The following SSH1 variants were observed in gnomAD, a reference collection of about 807,000 sequenced individuals.
SSH1 encodes slingshot protein phosphatase 1, also known as protein phosphatase Slingshot homolog 1.
In SSH1, 43 loss-of-function variants were observed where a neutral mutation model predicts 79.7. The ratio of observed to expected loss-of-function variants is 0.54; its 90% CI spans 0.42 to 0.70. The LOEUF is 0.70. Ranked by LOEUF, SSH1 falls within the 30% of genes least tolerant of loss-of-function variation. The pLI, the probability that SSH1 is intolerant of heterozygous loss-of-function variation, is 0.00. For missense variants in SSH1, 1,206 were observed against 1,358.8 expected, an observed-to-expected ratio of 0.89 and a Z score of 1.77; for synonymous variants, 599 against 538.3, an observed-to-expected ratio of 1.11 and a Z score of -1.56.
At position 108,799,025 on chromosome 12, in the gene SSH1, C is replaced by CA. The variant is rs771712149; in HGVS notation, c.1323dup (p.Glu442Ter). 2.5e-6 allele frequency: 4 copies of CA among 1,613,758 alleles called. No homozygotes were observed. The highest frequency in any genetic ancestry group is 3.4e-6 in the Non-Finnish European group (4 of 1,180,048). On this transcript the variant is annotated frameshift_variant, in exon 13 of 15. Transcript: ENST00000326495. LOFTEE classifies it high-confidence loss of function. ...CTTGCATCCAAGATGCCTTCATACT[C>CA]AGACAGCTGCCTCATAAAGCCCGCG...
At chr12:108,794,030 G>A (rs2036632660) in intron 13 of SSH1, among the ~76,000 whole-genome samples, 1 of 152,226 alleles carries the variant, frequency 6.6e-6, no homozygotes, top group African/African-American at 2.4e-5. Flanking sequence ...TCTGGGCCTT[G>A]CCTGGGGACC....
At chr12:108,793,581 T>C (rs775735811) in intron 13 of SSH1, among the ~76,000 whole-genome samples, 3 of 151,936 alleles carry the variant, frequency 2.0e-5, no homozygotes, top group Non-Finnish European at 4.4e-5. Context: ...TTTTTTGTAG[T>C]GACAGGGTCT....
At position 108,846,445 on chromosome 12, in the gene SSH1, G is replaced by A. The variant is rs544142028; in HGVS notation, c.110+6193C>T. Among the ~76,000 whole-genome samples, 5 of 152,330 alleles carry A rather than the reference G, an allele frequency of 3.3e-5. No individual in the cohort carries two copies. The East Asian group carries it at 5.8e-4, about 18-fold the overall frequency. On this transcript the variant is annotated intron_variant, in intron 2 of 14. Coordinates refer to ENST00000326495, the MANE Select transcript of SSH1 (RefSeq NM_018984.4). ...GGAGCCAGGAGCTGCTGCCAGCAGGGCCATCTGCTCACCAATTCCCACAGT... is the reference window on the plus strand; with the variant it reads ...GGAGCCAGGAGCTGCTGCCAGCAGGACCATCTGCTCACCAATTCCCACAGT...
intron 7 of SSH1, among the ~76,000 whole-genome samples, chr12:108,808,602 A>G (rs998823505): frequency 1.3e-5 from 2 of 152,146 alleles, no homozygotes; most frequent in African/African-American, 4.8e-5. Context: ...CTGGAAGAAA[A>G]AGTCTTTAAT....
chr12:108,848,645 T>G (rs1347098882), intron 2 of SSH1, among the ~76,000 whole-genome samples: 3 of 152,210 alleles, frequency 2.0e-5, no homozygotes, highest in Non-Finnish European at 4.4e-5. Context: ...AGGACACAAC[T>G]TTTCTTGTGT....
chr12:108,800,172 G>C (rs181040080), intron 12 of SSH1, among the ~76,000 whole-genome samples: 31 of 152,166 alleles, frequency 2.0e-4, no homozygotes, highest in Admixed American at 5.2e-4. Context: ...CATCTCAAAG[G>C]GTTCTTTCTG....
intron 12 of SSH1, 141 bp downstream of exon 12, chr12:108,800,639 C>T (rs2036952640): frequency 1.0e-6 from 1 of 995,790 alleles, no homozygotes; most frequent in Non-Finnish European, 1.5e-6. Flanking sequence ...TCCACTCCCA[C>T]CAGCCAACTC....
At chr12:108,816,452 G>C (rs1456723184) in intron 5 of SSH1, among the ~76,000 whole-genome samples, 1 of 152,232 alleles carries the variant, frequency 6.6e-6, no homozygotes, top group Non-Finnish European at 1.5e-5. Context: ...TGTCAGGGGA[G>C]TGACTCCACC....
chr12:108,831,969 C>A (rs2038484589), intron 2 of SSH1, among the ~76,000 whole-genome samples: 1 of 152,156 alleles, frequency 6.6e-6, no homozygotes, highest in Non-Finnish European at 1.5e-5. Flanking sequence ...ATTCTCAGCA[C>A]CTGAATGCCT....
intron 11 of SSH1, 114 bp downstream of exon 11, chr12:108,802,208 A>G: frequency 1.1e-6 from 1 of 889,978 alleles, no homozygotes. Flanking sequence ...CACTTCAGAG[A>G]CCAGGGTGCA....
At chr12:108,808,475 T>TGGTTATGG (rs1415200449) in intron 7 of SSH1, among the ~76,000 whole-genome samples, 1 of 152,240 alleles carries the variant, frequency 6.6e-6, no homozygotes, top group Non-Finnish European at 1.5e-5. Context: ...TCACGGGTTA[T>TGGTTATGG]TTTACAACCC....
At chr12:108,828,804 G>A (rs1025419109) in intron 2 of SSH1, among the ~76,000 whole-genome samples, 2 of 152,196 alleles carry the variant, frequency 1.3e-5, no homozygotes, top group Non-Finnish European at 2.9e-5. Context: ...CCAAGAAGTC[G>A]CTTTCAAGGT....
Position 108,787,796 on chromosome 12 carries a change from C to T in SSH1, c.*192G>A. ...TGGTTCTCCCAGGCCACACGACTGA[C>T]AGCTCCCCTTCTTGTGCTGCATGTT... On this transcript the variant is annotated 3_prime_UTR_variant, in exon 15 of 15. Coordinates refer to ENST00000326495, the MANE Select transcript of SSH1 (RefSeq NM_018984.4). The T allele has an allele frequency of 1.4e-6, 1 of 725,226 alleles. No homozygotes were observed. The highest frequency in any genetic ancestry group is 2.2e-6 in the Non-Finnish European group (1 of 447,726). 44.9% of individuals were successfully genotyped at this position (725,226 alleles called of 1,614,324 possible).
chr12:108,855,872 G>T (rs974247209), intron 1 of SSH1, among the ~76,000 whole-genome samples: 6 of 152,182 alleles, frequency 3.9e-5, no homozygotes, highest in South Asian at 2.1e-4. Flanking sequence ...CTCCAAGGAG[G>T]GGGCTGTGAA....
rs557551882 is a variant in SSH1 at position 108,817,605 on chromosome 12, G to A, written c.280-446C>T. On this transcript the variant is annotated intron_variant, in intron 4 of 14. Coordinates refer to ENST00000326495, the MANE Select transcript of SSH1 (RefSeq NM_018984.4). The stretch of plus-strand genomic sequence containing the variant: ...ACAACAACACAACAAAACACAAAGC[G>A]GAAGTTCTTGACAGCAGGAACCAGG... Among the ~76,000 whole-genome samples, 22 of 151,358 alleles carry A rather than the reference G, an allele frequency of 1.5e-4. No homozygotes were observed. The South Asian group carries it at 4.2e-3, about 29-fold the overall frequency.
chr12:108,811,817 T>C (rs1174001944), intron 5 of SSH1, among the ~76,000 whole-genome samples: 1 of 152,088 alleles, frequency 6.6e-6, no homozygotes, highest in Non-Finnish European at 1.5e-5. Flanking sequence ...ACCAGTGAAA[T>C]GAGACCGAAT....
At chr12:108,818,956 G>GT (rs1242160351) in intron 3 of SSH1, among the ~76,000 whole-genome samples, 1 of 152,172 alleles carries the variant, frequency 6.6e-6, no homozygotes, top group Non-Finnish European at 1.5e-5. Flanking sequence ...GTTTCACCAT[G>GT]TTGGCCAGGC....
In SSH1 at chr12:108,841,027, G is replaced by A. The variant is rs573000242; in HGVS notation, c.110+11611C>T. Among the ~76,000 whole-genome samples the A allele has an allele frequency of 2.2e-4, 33 of 152,280 alleles. 4 individuals are homozygous for A. Among genetic ancestry groups the A allele is most frequent in the African/African-American group, 7.7e-4 (32 of 41,560 alleles). Reference sequence around the variant, plus strand: ...ATATAAACACAGATCTAGATTGGTGGGTCTGAGGACTCATTCTTAAATTTG... The same window carrying A: ...ATATAAACACAGATCTAGATTGGTGAGTCTGAGGACTCATTCTTAAATTTG... On this transcript the variant is annotated intron_variant, in intron 2 of 14. Transcript: ENST00000326495.
intron 2 of SSH1, among the ~76,000 whole-genome samples, chr12:108,833,380 A>T (rs2137231542): frequency 6.6e-6 from 1 of 152,320 alleles, no homozygotes; most frequent in South Asian, 2.1e-4. Context: ...GGCAGCAAAG[A>T]CAGCCAAACA....
Sources: gnomAD v4.1 joint callset for allele counts (sites outside exome capture counted in the v4.1 genomes callset) on GRCh38, gnomAD v4.1.1 for gene constraint, MANE v1.5 for transcripts, NCBI Gene and HGNC (gene_info 2026-07-23, HGNC 2026-07-21) for gene names.